The following CLASRP variants were observed in gnomAD, a reference collection of about 807,000 sequenced individuals.
CLASRP encodes CLK4 associating serine/arginine rich protein.
Under a neutral mutation model 99.9 loss-of-function variants are expected in CLASRP, and 52 were observed. That is an observed-to-expected ratio of 0.52 (90% CI 0.42 to 0.66). The LOEUF (loss-of-function observed/expected upper bound fraction) is 0.66, where lower values mean the gene tolerates loss of function less well. Among genes scored for constraint, CLASRP ranks in the 30% least tolerant of loss-of-function variants. The pLI, the probability that CLASRP is intolerant of heterozygous loss-of-function variation, is 0.00. For missense variants in CLASRP, 848 were observed against 999.2 expected, an observed-to-expected ratio of 0.85 and a Z score of 2.04; for synonymous variants, 379 against 373.0, an observed-to-expected ratio of 1.02 and a Z score of -0.18.
chr19:45,050,347 C>T (rs1972000169), intron 2 of CLASRP, among the ~76,000 whole-genome samples: 1 of 152,160 alleles, frequency 6.6e-6, no homozygotes, highest in Admixed American at 6.5e-5. Flanking sequence ...CACAAGATAC[C>T]ACTTCACCCA....
At chr19:45,065,112 G>A (rs879567683) in intron 13 of CLASRP, among the ~76,000 whole-genome samples, 10 of 152,072 alleles carry the variant, frequency 6.6e-5, no homozygotes, top group Non-Finnish European at 1.2e-4. Context: ...CAGCTCTTTG[G>A]CCTGGCGTGG....
rs60962959 is a variant in CLASRP at position 45,059,255 on chromosome 19, T to C, written c.614-13T>C. On this transcript the variant is annotated splice_polypyrimidine_tract_variant and intron_variant, in intron 7 of 20. Transcript: ENST00000221455. ...CTCGGCCGTGGCTCCTGACAGCCTT[T>C]CTCTTGGTGCAGACGTGGAGGTGGA... 1.6e-3 allele frequency: 2,621 copies of C among 1,605,246 alleles called. 48 individuals carry two copies. In the African/African-American group the frequency reaches 0.031, roughly 19 times the overall value.
At chr19:45,056,567 G>A (rs1972123167) in intron 6 of CLASRP, 33 bp downstream of exon 6, 1 of 1,582,524 alleles carries the variant, frequency 6.3e-7, no homozygotes, top group Non-Finnish European at 8.7e-7. Context: ...GGGGGTTGAG[G>A]AGGCAGGAGG....
intron 20 of CLASRP, 30 bp from the exon 21 acceptor site, chr19:45,070,773 T>C (rs749618411): frequency 1.3e-6 from 2 of 1,591,640 alleles, no homozygotes; most frequent in Middle Eastern, 1.7e-4. Flanking sequence ...GTATGCCCCA[T>C]CCTCACGGCC....
chr19:45,068,785 T>C (rs1221828542), intron 16 of CLASRP, among the ~76,000 whole-genome samples: 1 of 151,024 alleles, frequency 6.6e-6, no homozygotes, highest in Non-Finnish European at 1.5e-5. Context: ...GATCACGAGG[T>C]CAGGAGATCG....
intron 2 of CLASRP, among the ~76,000 whole-genome samples, chr19:45,041,038 C>T (rs913495970): frequency 6.0e-5 from 9 of 150,128 alleles, no homozygotes; most frequent in African/African-American, 9.8e-5. Context: ...CTGGCTAACA[C>T]GGTGAAACCC....
In CLASRP at chr19:45,056,430, G is replaced by A. The variant is rs1972120586; in HGVS notation, c.380-20G>A. 6.2e-7 allele frequency: 1 copy of A among 1,611,900 alleles called. No homozygotes were observed. Among genetic ancestry groups the A allele is most frequent in the Non-Finnish European group, 8.5e-7 (1 of 1,178,146 alleles). On this transcript the variant is annotated intron_variant, in intron 5 of 20. Transcript: ENST00000221455. Reference sequence around the variant, plus strand: ...AGTGTCCCCAACCCACTCTGACCTGGGGTCTCTTGTTTGCTGCAGTCTCAG... The same window carrying A: ...AGTGTCCCCAACCCACTCTGACCTGAGGTCTCTTGTTTGCTGCAGTCTCAG...
At chr19:45,048,591 C>T (rs1288600751) in intron 2 of CLASRP, among the ~76,000 whole-genome samples, 1 of 150,194 alleles carries the variant, frequency 6.7e-6, no homozygotes, top group South Asian at 2.1e-4. Context: ...GATTTTGTAG[C>T]CAGGCCCATC....
intron 18 of CLASRP, among the ~76,000 whole-genome samples, chr19:45,069,461 C>T (rs1336548069): frequency 6.6e-6 from 1 of 152,204 alleles, no homozygotes; most frequent in Non-Finnish European, 1.5e-5. Flanking sequence ...GCCACCGCGA[C>T]CTCCTCCCAG....
intron 11 of CLASRP, among the ~76,000 whole-genome samples, chr19:45,062,954 G>T (rs1966975048): frequency 6.6e-6 from 1 of 152,100 alleles, no homozygotes; most frequent in Non-Finnish European, 1.5e-5. Flanking sequence ...CCTCATCCAA[G>T]CTCCATAGCT....
chr19:45,049,026 A>T (rs908668212), intron 2 of CLASRP, among the ~76,000 whole-genome samples: 4 of 152,180 alleles, frequency 2.6e-5, no homozygotes, highest in Non-Finnish European at 4.4e-5. Context: ...CATGGTTGGG[A>T]CATTCGAGTG....
rs1449736218 is a variant in CLASRP, at chr19:45,069,088, A to G, written c.1791A>G (p.Ala597=). 3 of 1,613,952 alleles carry G rather than the reference A, an allele frequency of 1.9e-6. No homozygotes were observed. The highest frequency in any genetic ancestry group is 2.5e-6 in the Non-Finnish European group (3 of 1,180,026). ...CAGTCAAGGCGGATAAGAAGGCGGC[A>G]CAAGAAAAGATGATCCAGCAGGAGC... The part of the protein sequence containing the change: ...NRQFKADKKA[A]QEKMIQQEHE... The change falls in exon 17 of 21, where the codon GCA becomes GCG. Residue 597 remains alanine, a synonymous_variant. Coordinates refer to ENST00000221455, the MANE Select transcript of CLASRP (RefSeq NM_007056.3).
chr19:45,063,912 C>G, intron 11 of CLASRP, 100 bp from the exon 12 acceptor site: 1 of 1,464,912 alleles, frequency 6.8e-7, no homozygotes, highest in Non-Finnish European at 9.1e-7. Flanking sequence ...TCCCGGGTCG[C>G]TGTGGCCCGC....
At chr19:45,059,198 T>C in intron 7 of CLASRP, 70 bp from the exon 8 acceptor site, 5 of 1,355,522 alleles carry the variant, frequency 3.7e-6, no homozygotes, top group Non-Finnish European at 5.2e-6. Context: ...CCCCGCCTCC[T>C]GGAGCACTGC....
chr19:45,068,677 T>C (rs1440685557), intron 16 of CLASRP, among the ~76,000 whole-genome samples, 197 bp downstream of exon 16: 1 of 152,218 alleles, frequency 6.6e-6, no homozygotes, highest in Non-Finnish European at 1.5e-5. Flanking sequence ...CAGGTTGACC[T>C]GTCTGAGCTC....
At chr19:45,058,613 C>T (rs1343378432) in intron 7 of CLASRP, among the ~76,000 whole-genome samples, 1 of 152,108 alleles carries the variant, frequency 6.6e-6, no homozygotes, top group Non-Finnish European at 1.5e-5. Context: ...TCTTGAACTC[C>T]TGACCTCGTG....
rs1967010239 is a variant in CLASRP, at chr19:45,064,137, C to T, written c.1031C>T (p.Ala344Val). Residue 344 changes from alanine (A) to valine (V), a missense_variant, in exon 12 of 21, where the codon GCT (alanine) becomes GTT (valine). This residue lies in a region of CLASRP where 489 missense variants were observed against 434.7 expected (regional missense o/e 1.12). Coordinates refer to ENST00000221455, the MANE Select transcript of CLASRP (RefSeq NM_007056.3). ...GATGAGGAGGCAGCCGCAGCCGCTGCTGCCGCAGCAGCATCAGGAGTCACC... is the reference window on the plus strand; with the variant it reads ...GATGAGGAGGCAGCCGCAGCCGCTGTTGCCGCAGCAGCATCAGGAGTCACC... ...GSDEEAAAAA[A>V]AAAASGVTTG... 1 of 1,610,976 alleles carries T rather than the reference C, an allele frequency of 6.2e-7. No homozygotes were observed. Among genetic ancestry groups the T allele is most frequent in the Non-Finnish European group, 8.5e-7 (1 of 1,179,496 alleles).
chr19:45,052,466 G>A (rs1486617641), intron 3 of CLASRP, among the ~76,000 whole-genome samples: 13 of 152,116 alleles, frequency 8.5e-5, no homozygotes, highest in Admixed American at 5.2e-4. Context: ...CTGGCTCAGG[G>A]TGCCTGGGGC....
rs756610708 is a variant in CLASRP at position 45,070,760 on chromosome 19, T to A, written c.1983-43T>A. The A allele has an allele frequency of 2.2e-5, 34 of 1,553,484 alleles. No individual in the cohort carries two copies. In the South Asian group the frequency reaches 3.8e-4, roughly 17 times the overall value. ...ATCCACGGCCCCAGGTGTGTTGATG[T>A]GTGTATGCCCCATCCTCACGGCCCC... is the stretch of plus-strand genomic sequence containing the variant. On this transcript the variant is annotated intron_variant, in intron 20 of 20. Transcript: ENST00000221455.
Sources: allele counts gnomAD v4.1 joint callset (sites outside exome capture counted in the v4.1 genomes callset), GRCh38; gene constraint gnomAD v4.1.1; regional missense constraint gnomAD v4.1.1; transcripts MANE v1.5; gene names NCBI Gene and HGNC (gene_info 2026-07-23, HGNC 2026-07-21).